PAN2: variants seen among roughly 807,000 people sequenced by gnomAD.
PAN2 encodes the protein poly(A) specific ribonuclease subunit PAN2, also known as PAN2-PAN3 deadenylation complex catalytic subunit PAN2.
PAN2 carries 68 observed loss-of-function variants against 133.3 expected under a neutral mutation model. That is an observed-to-expected ratio of 0.51 (90% CI 0.42 to 0.62). PAN2 has a LOEUF of 0.62. PAN2 is among the 20% of genes least tolerant of loss of function. The pLI is 0.00. For synonymous variants in PAN2, 462 were observed against 544.6 expected (o/e 0.85, Z 2.11); for missense variants, 1,042 against 1,500.5 (o/e 0.69, Z 5.05).
Position 56,333,180 on chromosome 12 carries a change from A to G in PAN2, c.-86T>C. 7.1e-7 allele frequency: 1 copy of G among 1,405,486 alleles called. No homozygotes were observed. The highest frequency in any genetic ancestry group is 2.3e-5 in the East Asian group (1 of 43,374). The allele number at this position is 1,405,486 out of a possible 1,614,324, so 87.1% of individuals were successfully genotyped here. A position where few individuals can be genotyped will look rare whatever the true frequency, so the allele number is the denominator to read the frequency against. On this transcript the variant is annotated 5_prime_UTR_variant, in exon 2 of 26. Coordinates refer to ENST00000440411, the MANE Select transcript of PAN2 (RefSeq NM_014871.6). Reference sequence around the variant, plus strand: ...CTGACCCAACCTTCAGCAAGACAGCACCGATGGGCCTAGAATGGACATCCT... The same window carrying G: ...CTGACCCAACCTTCAGCAAGACAGCGCCGATGGGCCTAGAATGGACATCCT...
intron 20 of PAN2, among the ~76,000 whole-genome samples, chr12:56,320,336 G>A (rs1012819333): frequency 6.6e-6 from 1 of 152,146 alleles, no homozygotes; most frequent in Admixed American, 6.5e-5. Flanking sequence ...TACCAAATAG[G>A]TACTTAATAA....
At chr12:56,331,833 C>G (rs1184375500) in intron 2 of PAN2, among the ~76,000 whole-genome samples, 3 of 152,048 alleles carry the variant, frequency 2.0e-5, no homozygotes, top group African/African-American at 7.3e-5. Context: ...CCTGCCTCAG[C>G]CTTCCGAGTA....
At chr12:56,330,436 T>A (rs929462969) in intron 2 of PAN2, among the ~76,000 whole-genome samples, 1 of 128,910 alleles carries the variant, frequency 7.8e-6, no homozygotes, top group African/African-American at 2.8e-5. Context: ...CTCGGCTCAC[T>A]GCAAGCTCCG....
chr12:56,327,428 C>G lies in PAN2; in HGVS notation c.855G>C (p.Val285=). ...MRAITPLQVH[V]DPAFLRFIPT... ...GAATGAAGCGCAAGAAGGCAGGATC[C>G]ACATGTACTTGAAGTGGTGTGATGG... The change falls in exon 6 of 26, where the codon GTG becomes GTC. Residue 285 remains valine, a synonymous_variant. Transcript: ENST00000440411. 6.2e-7 allele frequency: 1 copy of G among 1,614,160 alleles called. No individual in the cohort carries two copies.
intron 2 of PAN2, among the ~76,000 whole-genome samples, chr12:56,330,101 G>A (rs1434473427): frequency 6.6e-6 from 1 of 152,096 alleles, no homozygotes; most frequent in East Asian, 1.9e-4. Context: ...TAGTAAAGGA[G>A]AGGCACAAGG....
At position 56,331,134 on chromosome 12, in the gene PAN2, T is replaced by A. The variant is rs568390360; in HGVS notation, c.282+1679A>T. On this transcript the variant is annotated intron_variant, in intron 2 of 25. Transcript: ENST00000440411. ...CTTAACAGTACTAATCAACACCTGA[T>A]GTATTGTAATGTTTTTCTGTTTACT... Among the ~76,000 whole-genome samples the A allele has an allele frequency of 6.6e-5, 10 of 152,242 alleles. No homozygotes were observed. In the South Asian group the frequency reaches 2.1e-3, roughly 32 times the overall value.
chr12:56,322,579 C>T (rs1874681092), intron 18 of PAN2, 36 bp downstream of exon 18: 1 of 1,613,504 alleles, frequency 6.2e-7, no homozygotes. Context: ...CTGTGGCCAT[C>T]CCAGGAGTGT....
In PAN2 at chr12:56,322,065, ATGTAGCAC is replaced by A. The variant is rs1400958798; in HGVS notation, c.2788+5_2788+12del. On this transcript the variant is annotated splice_donor_5th_base_variant and intron_variant, in intron 20 of 25. Coordinates refer to ENST00000440411, the MANE Select transcript of PAN2 (RefSeq NM_014871.6). Reference sequence around the variant, plus strand: ...AACTGTCCACACACTTGGGTCTACTATGTAGCACTTACTGTTCAGGTTGTATCTGGAAT... The same window carrying A: ...AACTGTCCACACACTTGGGTCTACTATTACTGTTCAGGTTGTATCTGGAAT... 4 of 1,478,934 alleles carry A rather than the reference ATGTAGCAC, an allele frequency of 2.7e-6. No individual in the cohort carries two copies. The highest frequency in any genetic ancestry group is 3.8e-6 in the Non-Finnish European group (4 of 1,057,186). 91.6% of individuals were successfully genotyped at this position (1,478,934 alleles called of 1,614,324 possible).
chr12:56,320,469 C>G (rs1874362628), intron 20 of PAN2, among the ~76,000 whole-genome samples: 1 of 152,018 alleles, frequency 6.6e-6, no homozygotes, highest in Non-Finnish European at 1.5e-5. Context: ...GAAACCCCGT[C>G]TCTACTAATT....
chr12:56,332,628 T>G, intron 2 of PAN2, 185 bp downstream of exon 2: 1 of 465,696 alleles, frequency 2.1e-6, no homozygotes, highest in Non-Finnish European at 3.8e-6. Flanking sequence ...AAGGGATGCC[T>G]CCTGAGAAAG....
chr12:56,317,638 C>T lies in PAN2; in HGVS notation c.3568G>A (p.Ala1190Thr), dbSNP rs146235856. The change falls in exon 26 of 26, where the codon GCT (alanine) becomes ACT (threonine). Residue 1190 changes from alanine (A) to threonine (T), a missense_variant. Around this residue, in one of 3 missense-constraint regions of PAN2, gnomAD observed 85 missense variants for 116.5 expected, o/e 0.73. Transcript: ENST00000440411. Reference protein sequence around the residue: ...PEGQTSPKNAAVFSSVLAL With the variant: ...PEGQTSPKNATVFSSVLAL ...AGCGCCAGCACTGAGGAGAAGACAG[C>T]TGCATCTGTCAGAGACAAAACCAAA... 1.2e-4 allele frequency: 187 copies of T among 1,613,674 alleles called. 1 individual carries two copies. The South Asian group carries it at 1.4e-3, about 12-fold the overall frequency.
Position 56,318,303 on chromosome 12 carries a change from G to C in PAN2, c.3496C>G (p.Leu1166Val), listed in dbSNP as rs1416828182. 6.2e-7 allele frequency: 1 copy of C among 1,614,066 alleles called. No homozygotes were observed. The highest frequency in any genetic ancestry group is 2.2e-5 in the East Asian group (1 of 44,890). The change falls in exon 25 of 26, where the codon CTT becomes GTT. Residue 1166 changes from leucine (L) to valine (V), a missense_variant. This residue lies in a region of PAN2 where 85 missense variants were observed against 116.5 expected (regional missense o/e 0.73). Coordinates refer to ENST00000440411, the MANE Select transcript of PAN2 (RefSeq NM_014871.6). ...PESFHKVLKGLYEKGRKMDWK... is the reference protein window; with the variant it reads ...PESFHKVLKGVYEKGRKMDWK... ...TCCATCTTTCTGCCCTTCTCATAAA[G>C]ACCCTTGAGCACCTTGTGGAAAGAC...
intron 14 of PAN2, 52 bp from the exon 15 acceptor site, chr12:56,323,650 T>C (rs939487117): frequency 6.5e-7 from 1 of 1,543,584 alleles, no homozygotes. Context: ...GGAAAAGGAG[T>C]CTGGACAGGG....
At chr12:56,330,752 C>T (rs1276454390) in intron 2 of PAN2, among the ~76,000 whole-genome samples, 1 of 152,076 alleles carries the variant, frequency 6.6e-6, no homozygotes, top group Non-Finnish European at 1.5e-5. Context: ...CTTGGCTTAT[C>T]AAAGTGCCGG....
At position 56,317,590 on chromosome 12, in the gene PAN2, G is replaced by C; in HGVS notation, c.*19C>G. Reference sequence around the variant, plus strand: ...TAGAACAGTAAAGGGAGAGGGCCGTGGTTCTTTGGGAAGGGTAGTCAGAGC... The same window carrying C: ...TAGAACAGTAAAGGGAGAGGGCCGTCGTTCTTTGGGAAGGGTAGTCAGAGC... On this transcript the variant is annotated 3_prime_UTR_variant, in exon 26 of 26. Transcript: ENST00000440411. The C allele has an allele frequency of 1.2e-6, 2 of 1,611,248 alleles. No homozygotes were observed. The highest frequency in any genetic ancestry group is 1.7e-6 in the Non-Finnish European group (2 of 1,177,576).
intron 1 of PAN2, 90 bp from the exon 2 acceptor site, chr12:56,333,298 G>A: frequency 1.7e-6 from 1 of 587,714 alleles, no homozygotes; most frequent in Admixed American, 3.0e-5. Context: ...AGGGAGATGA[G>A]GCAGGCATGA....
chr12:56,319,572 G>C lies in PAN2; in HGVS notation c.3090+49C>G, dbSNP rs765367250. 40 of 1,589,744 alleles carry C rather than the reference G, an allele frequency of 2.5e-5. No homozygotes were observed. The highest frequency in any genetic ancestry group is 3.4e-5 in the Non-Finnish European group (40 of 1,167,872). On this transcript the variant is annotated intron_variant, in intron 22 of 25. Transcript: ENST00000440411. This position sits in a 1 kb window ranked among gnomAD's most constrained non-coding sequence, Gnocchi z 5.4. ...ACTCTTCCCTGGGTTCTTGAGCACT[G>C]TAAGTAAGCACCAGGGTGTGCCTCA...
At position 56,325,181 on chromosome 12, in the gene PAN2, C is replaced by G. The variant is rs1874974855; in HGVS notation, c.1480-53G>C. 4 of 1,598,800 alleles carry G rather than the reference C, an allele frequency of 2.5e-6. No individual in the cohort carries two copies. In the East Asian group the frequency reaches 8.9e-5, roughly 36 times the overall value. ...AAGGATATTCTCAGAGTCCCCAAAT[C>G]TTTCCAGTAGCCACAGCCTTTCCTA... On this transcript the variant is annotated intron_variant, in intron 9 of 25. Coordinates refer to ENST00000440411, the MANE Select transcript of PAN2 (RefSeq NM_014871.6).
chr12:56,326,539 A>T (rs1875146778), intron 7 of PAN2, 78 bp downstream of exon 7: 3 of 1,514,478 alleles, frequency 2.0e-6, no homozygotes, highest in Non-Finnish European at 2.7e-6. Flanking sequence ...TAGAATAACA[A>T]CAGGGCTAGC....
Sources: allele counts gnomAD v4.1 joint callset (sites outside exome capture counted in the v4.1 genomes callset), GRCh38; gene constraint gnomAD v4.1.1; regional missense constraint gnomAD v4.1.1; non-coding constraint Gnocchi (gnomAD v3.1); transcripts MANE v1.5; gene names NCBI Gene and HGNC (gene_info 2026-07-23, HGNC 2026-07-21).